UGGT2: variants seen among roughly 807,000 people sequenced by gnomAD.
UGGT2 encodes the protein UDP-glucose glycoprotein glucosyltransferase 2.
In UGGT2, 180 loss-of-function variants were observed where a neutral mutation model predicts 192.1. That is an observed-to-expected ratio of 0.94 (90% CI 0.83 to 1.06). The LOEUF is 1.06. Among genes scored for constraint, UGGT2 ranks in the 50% least tolerant of loss-of-function variants. The pLI is 0.00. For missense variants in UGGT2, 1,849 were observed against 1,795.7 expected (o/e 1.03, Z -0.54); for synonymous variants, 580 against 591.0 (o/e 0.98, Z 0.27).
chr13:95,855,198 A>G (rs1889474301), intron 34 of UGGT2, among the ~76,000 whole-genome samples: 1 of 148,098 alleles, frequency 6.8e-6, no homozygotes, highest in Non-Finnish European at 1.5e-5. Context: ...AGGTGGGAGG[A>G]TGGCTCGAAT....
At chr13:95,926,108 A>T (rs1156711388) in intron 19 of UGGT2, among the ~76,000 whole-genome samples, 1 of 147,866 alleles carries the variant, frequency 6.8e-6, no homozygotes, top group Non-Finnish European at 1.5e-5. Flanking sequence ...ACATTTGTTT[A>T]AAAAAAAAAA....
rs373771877 is a variant in UGGT2, at chr13:96,013,320, C to T, written c.647G>A (p.Arg216His). 1.3e-5 allele frequency: 20 copies of T among 1,594,622 alleles called. No individual in the cohort carries two copies. The highest frequency in any genetic ancestry group is 2.7e-5 in the African/African-American group (2 of 73,514). The change falls in exon 5 of 39, where the codon CGC becomes CAC. Residue 216 changes from arginine to histidine, a missense_variant. Physicochemically the swap from Arg to His is conservative, Grantham distance 29. Coordinates refer to ENST00000376747, the MANE Select transcript of UGGT2 (RefSeq NM_020121.4). Reference protein sequence around the residue: ...AQNEEILYVLRHYIQKPSSRK... With the variant: ...AQNEEILYVLHHYIQKPSSRK... ...ACAAGCGCATACCTGAATATAATGG[C>T]GAAGAACATACAGAATTTCCTCATT...
intron 16 of UGGT2, among the ~76,000 whole-genome samples, chr13:95,938,810 G>A (rs1396010021): frequency 6.6e-6 from 1 of 152,002 alleles, no homozygotes; most frequent in Non-Finnish European, 1.5e-5. Context: ...CACCTGGATG[G>A]TACTTCCTAA....
chr13:95,980,789 G>T (rs2051096786), intron 10 of UGGT2, among the ~76,000 whole-genome samples: 1 of 152,200 alleles, frequency 6.6e-6, no homozygotes, highest in African/African-American at 2.4e-5. Context: ...CTGAGGTCAG[G>T]AGTTCGTGAC....
At chr13:95,972,028 A>G (rs1018498223) in intron 11 of UGGT2, among the ~76,000 whole-genome samples, 23 of 152,056 alleles carry the variant, frequency 1.5e-4, no homozygotes, top group Non-Finnish European at 2.9e-4. Context: ...TATAAAAGTA[A>G]CTCTTCTGTT....
chr13:95,953,696 T>C (rs1467149640), intron 12 of UGGT2, among the ~76,000 whole-genome samples: 1 of 152,002 alleles, frequency 6.6e-6, no homozygotes, highest in Admixed American at 6.6e-5. Context: ...GCACATCTAA[T>C]GCCCAGATTT....
chr13:95,863,950 C>G (rs1001865617), intron 30 of UGGT2, among the ~76,000 whole-genome samples: 1 of 152,092 alleles, frequency 6.6e-6, no homozygotes, highest in Non-Finnish European at 1.5e-5. Context: ...AAATAATGTG[C>G]TTACCCTTGT....
At chr13:95,815,578 T>C (rs377501259) in intron 38 of UGGT2, among the ~76,000 whole-genome samples, 4 of 152,094 alleles carry the variant, frequency 2.6e-5, no homozygotes, top group East Asian at 1.9e-4. Context: ...TCAAGAAACA[T>C]ATCGTATTTA....
intron 36 of UGGT2, among the ~76,000 whole-genome samples, chr13:95,844,323 T>C (rs1888171409): frequency 6.6e-6 from 1 of 152,212 alleles, no homozygotes; most frequent in South Asian, 2.1e-4. Context: ...TTCATTAATT[T>C]GTACAAGAAA....
chr13:95,918,997 G>T (rs1177882417), intron 20 of UGGT2, among the ~76,000 whole-genome samples: 1 of 152,044 alleles, frequency 6.6e-6, no homozygotes, highest in Non-Finnish European at 1.5e-5. Context: ...ACCAAATTCA[G>T]CAGCACATAA....
At chr13:95,984,073 G>C (rs2051214426) in intron 9 of UGGT2, among the ~76,000 whole-genome samples, 1 of 152,164 alleles carries the variant, frequency 6.6e-6, no homozygotes, top group South Asian at 2.1e-4. Flanking sequence ...AAAATTTCAT[G>C]TGTACTAGCT....
intron 15 of UGGT2, 58 bp from the exon 16 acceptor site, chr13:95,940,149 T>G: frequency 7.7e-7 from 1 of 1,301,802 alleles, no homozygotes; most frequent in Non-Finnish European, 1.0e-6. Context: ...GTTTTCTTTT[T>G]TTTCCTTAGC....
chr13:95,827,773 T>C (rs1302823572), intron 38 of UGGT2, among the ~76,000 whole-genome samples: 1 of 152,202 alleles, frequency 6.6e-6, no homozygotes, highest in Non-Finnish European at 1.5e-5. Flanking sequence ...GAAAGTTACT[T>C]AGCACTAGAT....
intron 24 of UGGT2, 65 bp from the exon 25 acceptor site, chr13:95,891,029 C>T: frequency 8.7e-7 from 1 of 1,150,166 alleles, no homozygotes; most frequent in Non-Finnish European, 1.3e-6. Context: ...TAATCATGAT[C>T]TTAGCTATAT....
intron 5 of UGGT2, among the ~76,000 whole-genome samples, chr13:96,012,184 T>C (rs1367934381): frequency 6.6e-6 from 1 of 151,640 alleles, no homozygotes; most frequent in African/African-American, 2.4e-5. Context: ...TATGATGGAG[T>C]AGAATAAAGA....
intron 10 of UGGT2, among the ~76,000 whole-genome samples, chr13:95,976,914 A>C (rs1022135881): frequency 3.9e-5 from 6 of 152,194 alleles, no homozygotes; most frequent in Non-Finnish European, 7.4e-5. Flanking sequence ...CAACCATCTG[A>C]TCTTCGACAA....
At chr13:95,869,486 T>C (rs1395400152) in intron 29 of UGGT2, among the ~76,000 whole-genome samples, 5 of 152,198 alleles carry the variant, frequency 3.3e-5, no homozygotes, top group Admixed American at 3.3e-4. Flanking sequence ...ATGGTTGAAC[T>C]AGTTTACAGT....
intron 11 of UGGT2, among the ~76,000 whole-genome samples, chr13:95,971,493 T>G (rs1399301738): frequency 1.3e-5 from 2 of 151,482 alleles, no homozygotes; most frequent in Admixed American, 6.6e-5. Flanking sequence ...AGCTGGGGGG[T>G]TTTATTTTTT....
chr13:95,839,968 T>C (rs1887692997), intron 36 of UGGT2, among the ~76,000 whole-genome samples: 1 of 152,204 alleles, frequency 6.6e-6, no homozygotes, highest in African/African-American at 2.4e-5. Flanking sequence ...ACATACAATG[T>C]CTATTTACAT....
Sources: allele counts gnomAD v4.1 joint callset (sites outside exome capture counted in the v4.1 genomes callset), GRCh38; gene constraint gnomAD v4.1.1; transcripts MANE v1.5; gene names NCBI Gene and HGNC (gene_info 2026-07-23, HGNC 2026-07-21).